Variants in GOLGA4 observed in about 807,000 individuals in gnomAD.
GOLGA4 encodes the protein golgin subfamily A member 4.
In GOLGA4, 169 loss-of-function variants were observed where a neutral mutation model predicts 265.9. That is an observed-to-expected ratio of 0.64 (90% CI 0.56 to 0.72). The LOEUF is 0.72. Ranked by LOEUF, GOLGA4 falls within the 30% of genes least tolerant of loss-of-function variation. The probability of loss-of-function intolerance (pLI) is 0.00; values close to 1 mark genes in which losing one functional copy is unlikely to be tolerated. For missense variants in GOLGA4, 2,482 were observed against 2,483.4 expected, an observed-to-expected ratio of 1.00 and a Z score of 0.01; for synonymous variants, 923 against 855.8, an observed-to-expected ratio of 1.08 and a Z score of -1.37.
chr3:37,269,135 T>C (rs566200764), intron 2 of GOLGA4, among the ~76,000 whole-genome samples: 1 of 152,260 alleles, frequency 6.6e-6, no homozygotes. Context: ...TGTGTGCTTT[T>C]AAGTTGAATA....
chr3:37,306,663 T>A (rs1282513239), intron 10 of GOLGA4, among the ~76,000 whole-genome samples: 1 of 151,958 alleles, frequency 6.6e-6, no homozygotes, highest in Non-Finnish European at 1.5e-5. Flanking sequence ...TTTTCTCTAA[T>A]TTTTTTTAAT....
In GOLGA4 at chr3:37,320,093, C is replaced by T. The variant is rs548035882; in HGVS notation, c.1545+899C>T. 2.2e-4 allele frequency: 25 copies of T among 115,316 alleles called. 1 individual carries two copies. Among genetic ancestry groups the T allele is most frequent in the Non-Finnish European group, 4.0e-4 (19 of 47,372 alleles). 7.1% of individuals were successfully genotyped at this position (115,316 alleles called of 1,614,324 possible). On this transcript the variant is annotated intron_variant, in intron 12 of 23. Coordinates refer to ENST00000361924, the MANE Select transcript of GOLGA4 (RefSeq NM_002078.5). ...TTTCAGTACTAATTTTCAGTCCATA[C>T]GATGGCTTAAAAAAGAGTTAAATTA...
At chr3:37,257,692 A>G (rs529690271) in intron 2 of GOLGA4, among the ~76,000 whole-genome samples, 4 of 151,290 alleles carry the variant, frequency 2.6e-5, no homozygotes, top group African/African-American at 9.7e-5. Flanking sequence ...CACTTTGCCT[A>G]TTGAATTTAT....
At chr3:37,290,638 A>G (rs1463929189) in intron 5 of GOLGA4, among the ~76,000 whole-genome samples, 1 of 152,220 alleles carries the variant, frequency 6.6e-6, no homozygotes, top group African/African-American at 2.4e-5. Flanking sequence ...TTTTGGATTA[A>G]TAACGTAGAA....
At position 37,341,436 on chromosome 3, in the gene GOLGA4, G is replaced by T. The variant is rs1387179100; in HGVS notation, c.6472+1237G>T. On this transcript the variant is annotated intron_variant, in intron 20 of 23. Transcript: ENST00000361924. ...ATTCTCTTCTTTTGTGTTTTTGAAAGCTCTCATTACTATCAAATAATGTAA... is the reference window on the plus strand; with the variant it reads ...ATTCTCTTCTTTTGTGTTTTTGAAATCTCTCATTACTATCAAATAATGTAA... Among the ~76,000 whole-genome samples the T allele has an allele frequency of 2.0e-5, 3 of 152,106 alleles. No homozygotes were observed. The East Asian group carries it at 5.8e-4, about 29-fold the overall frequency.
rs866555791 is a variant in GOLGA4 at position 37,362,275 on chromosome 3, C to T, written c.*33+970C>T. ...TTTTTGAGACGGAGTCTCGCTCTGT[C>T]GCCCAGGCTGGAGTGCAGTGGCGGG... On this transcript the variant is annotated intron_variant, in intron 23 of 23. Transcript: ENST00000361924. Among the ~76,000 whole-genome samples the T allele has an allele frequency of 3.5e-4, 50 of 144,856 alleles. 1 individual carries two copies. In the South Asian group the frequency reaches 5.6e-3, roughly 16 times the overall value.
Position 37,299,022 on chromosome 3 carries a change from T to G in GOLGA4, c.1002+2T>G. The G allele has an allele frequency of 6.3e-7, 1 of 1,583,454 alleles. No homozygotes were observed. The highest frequency in any genetic ancestry group is 8.6e-7 in the Non-Finnish European group (1 of 1,169,400). On this transcript the variant is annotated splice_donor_variant, in intron 8 of 23. Coordinates refer to ENST00000361924, the MANE Select transcript of GOLGA4 (RefSeq NM_002078.5). LOFTEE classifies it high-confidence loss of function. ...CTTCAAGAACTAGAAAAGATAAAGG[T>G]AAAAGAGCAGATGAGTTTTGTTCTA...
At chr3:37,298,369 A>G (rs953025814) in intron 7 of GOLGA4, among the ~76,000 whole-genome samples, 1 of 152,064 alleles carries the variant, frequency 6.6e-6, no homozygotes, top group African/African-American at 2.4e-5. Context: ...GTGCTGAGTC[A>G]CTTCCTGGGT....
chr3:37,325,476 A>G lies in GOLGA4; in HGVS notation c.3590A>G (p.Lys1197Arg), dbSNP rs141641988. Reference protein sequence around the residue: ...SLKSSHEKSNKSLEDKSLEFK... With the variant: ...SLKSSHEKSNRSLEDKSLEFK... ...AAATCTTCACATGAAAAAAGTAACAAAAGCCTAGAGGACAAGAGCTTGGAA... is the reference window on the plus strand; with the variant it reads ...AAATCTTCACATGAAAAAAGTAACAGAAGCCTAGAGGACAAGAGCTTGGAA... Residue 1197 changes from lysine (K) to arginine (R), a missense_variant, in exon 14 of 24, where the codon AAA (lysine) becomes AGA (arginine). Lys to Arg is a conservative substitution (Grantham distance 26, BLOSUM62 2). This residue lies in a region of GOLGA4 where 1,536 missense variants were observed against 1,483.7 expected (regional missense o/e 1.04). Transcript: ENST00000361924. 3.9e-4 allele frequency: 630 copies of G among 1,612,482 alleles called. 1 individual carries two copies. The African/African-American group carries it at 7.8e-3, about 20-fold the overall frequency.
At chr3:37,329,720 A>C (rs1452833656) in intron 16 of GOLGA4, among the ~76,000 whole-genome samples, 1 of 152,248 alleles carries the variant, frequency 6.6e-6, no homozygotes, top group Non-Finnish European at 1.5e-5. Flanking sequence ...AAATAAGATA[A>C]GCCATGAAGA....
At chr3:37,338,870 T>TC (rs1364425405) in intron 19 of GOLGA4, among the ~76,000 whole-genome samples, 1 of 150,714 alleles carries the variant, frequency 6.6e-6, no homozygotes, top group East Asian at 1.9e-4. Flanking sequence ...GCTTTTTTTT[T>TC]TTTTTTTTTG....
chr3:37,303,797 C>G (rs2096899302), intron 10 of GOLGA4, among the ~76,000 whole-genome samples: 1 of 152,204 alleles, frequency 6.6e-6, no homozygotes, highest in Non-Finnish European at 1.5e-5. Context: ...GCTACTACTA[C>G]TGCTGCTACT....
chr3:37,361,784 T>C (rs906717434), intron 23 of GOLGA4, among the ~76,000 whole-genome samples: 3 of 152,240 alleles, frequency 2.0e-5, no homozygotes, highest in Non-Finnish European at 4.4e-5. Flanking sequence ...TTTTAAAATA[T>C]AGCTTCATTA....
chr3:37,363,699 A>G (rs1211469455), intron 23 of GOLGA4, among the ~76,000 whole-genome samples: 1 of 152,250 alleles, frequency 6.6e-6, no homozygotes, highest in Admixed American at 6.5e-5. Flanking sequence ...TATTACACTC[A>G]GGAAGTTTAA....
chr3:37,346,139 TTGAG>T (rs2097055530), intron 20 of GOLGA4, among the ~76,000 whole-genome samples: 1 of 152,146 alleles, frequency 6.6e-6, no homozygotes, highest in African/African-American at 2.4e-5. Flanking sequence ...AAAGTATAAT[TTGAG>T]TGAGTTGAGT....
chr3:37,256,245 G>A (rs184733914), intron 2 of GOLGA4, among the ~76,000 whole-genome samples: 3 of 152,018 alleles, frequency 2.0e-5, no homozygotes, highest in Admixed American at 6.5e-5. Context: ...AATGAGTATC[G>A]TTTTACATTC....
intron 10 of GOLGA4, among the ~76,000 whole-genome samples, chr3:37,313,062 G>T (rs1473074895): frequency 2.0e-5 from 3 of 152,116 alleles, no homozygotes; most frequent in Non-Finnish European, 2.9e-5. Flanking sequence ...AATTAGCCCG[G>T]TCTGGTGGCG....
intron 21 of GOLGA4, among the ~76,000 whole-genome samples, chr3:37,351,388 A>G (rs574483932): frequency 9.9e-5 from 15 of 152,172 alleles, no homozygotes; most frequent in African/African-American, 3.6e-4. Context: ...CCTCCAAATC[A>G]TCCATGAAAG....
intron 2 of GOLGA4, among the ~76,000 whole-genome samples, chr3:37,254,073 A>C (rs183379887): frequency 1.3e-5 from 2 of 152,212 alleles, no homozygotes; most frequent in Admixed American, 1.3e-4. Context: ...TCAGTGTTTC[A>C]CTTTATTGTA....
Sources: allele counts gnomAD v4.1 joint callset (sites outside exome capture counted in the v4.1 genomes callset), GRCh38; gene constraint gnomAD v4.1.1; regional missense constraint gnomAD v4.1.1; transcripts MANE v1.5; gene names NCBI Gene and HGNC (gene_info 2026-07-23, HGNC 2026-07-21).